The following PPFIA1 variants were observed in gnomAD, a reference collection of about 807,000 sequenced individuals.
PPFIA1 encodes the protein PPFI scaffold protein A1, also known as liprin-alpha-1.
Under a neutral mutation model 149.9 loss-of-function variants are expected in PPFIA1, and 25 were observed. That is an observed-to-expected ratio of 0.17 (90% confidence interval 0.12 to 0.23). The LOEUF (loss-of-function observed/expected upper bound fraction) is 0.23, where lower values mean the gene tolerates loss of function less well. PPFIA1 is among the 10% of genes least tolerant of loss of function. PPFIA1 has a pLI of 1.00. For synonymous variants in PPFIA1, 549 were observed against 552.8 expected, an observed-to-expected ratio of 0.99 and a Z score of 0.10; for missense variants, 1,362 against 1,506.5, an observed-to-expected ratio of 0.90 and a Z score of 1.59.
At chr11:70,372,717 A>T in intron 23 of PPFIA1, 143 bp downstream of exon 23, 1 of 630,754 alleles carries the variant, frequency 1.6e-6, no homozygotes, top group South Asian at 2.0e-5. Flanking sequence ...ATTGCAGAGG[A>T]GGGCTGGATG....
At chr11:70,322,825 C>T (rs983241145) in intron 2 of PPFIA1, among the ~76,000 whole-genome samples, 1 of 152,122 alleles carries the variant, frequency 6.6e-6, no homozygotes, top group African/African-American at 2.4e-5. Context: ...CTTGTGTCCC[C>T]TCCCCACCCC....
intron 21 of PPFIA1, 200 bp downstream of exon 21, chr11:70,362,688 T>C (rs1322126601): frequency 2.3e-6 from 1 of 441,734 alleles, no homozygotes; most frequent in African/African-American, 2.0e-5. Context: ...TAAATGCTTT[T>C]ATGAAAGATT....
chr11:70,320,628 G>T (rs937176471), intron 2 of PPFIA1, among the ~76,000 whole-genome samples: 2 of 151,578 alleles, frequency 1.3e-5, no homozygotes, highest in African/African-American at 4.9e-5. Flanking sequence ...GTAGAGATGG[G>T]GTCTCACTAT....
At chr11:70,380,991 G>A (rs2057691678) in intron 26 of PPFIA1, 1 of 151,912 alleles carries the variant, frequency 6.6e-6, no homozygotes, top group Admixed American at 6.6e-5. Flanking sequence ...TGTAGAGATG[G>A]GCTCTCACCA....
At chr11:70,328,977 TTGAAAC>T (rs1404427349) in intron 7 of PPFIA1, among the ~76,000 whole-genome samples, 3 of 152,242 alleles carry the variant, frequency 2.0e-5, no homozygotes, top group Non-Finnish European at 4.4e-5. Context: ...CCTTAAGTGT[TTGAAAC>T]TGTATAGTAA....
chr11:70,315,929 A>G (rs2053597292), intron 2 of PPFIA1, among the ~76,000 whole-genome samples: 1 of 151,864 alleles, frequency 6.6e-6, no homozygotes, highest in East Asian at 1.9e-4. Flanking sequence ...TTCTATCTCT[A>G]TGAGTTTGAC....
chr11:70,295,667 C>T (rs1326310501), intron 2 of PPFIA1, among the ~76,000 whole-genome samples: 8 of 136,648 alleles, frequency 5.9e-5, no homozygotes, highest in African/African-American at 1.4e-4. Context: ...CCGGACGGGG[C>T]GGCTGGCCGG....
At chr11:70,340,818 C>A (rs2137079471) in intron 14 of PPFIA1, among the ~76,000 whole-genome samples, 1 of 149,858 alleles carries the variant, frequency 6.7e-6, no homozygotes, top group East Asian at 1.9e-4. Flanking sequence ...ACAGGAGCAG[C>A]AGAGCAGGAT....
At chr11:70,337,276 G>GT in intron 11 of PPFIA1, 89 bp from the exon 12 acceptor site, 1 of 892,902 alleles carries the variant, frequency 1.1e-6, no homozygotes, top group Non-Finnish European at 1.7e-6. Flanking sequence ...CCTTTGTGTG[G>GT]TCCTTTTTTT....
At chr11:70,358,653 C>A (rs2056476820) in intron 19 of PPFIA1, 1 of 152,312 alleles carries the variant, frequency 6.6e-6, no homozygotes, top group Non-Finnish European at 1.5e-5. Context: ...TTCTTATTAA[C>A]CCCTGATTTA....
intron 10 of PPFIA1, 98 bp from the exon 11 acceptor site, chr11:70,335,465 A>C: frequency 7.1e-7 from 1 of 1,405,290 alleles, no homozygotes; most frequent in African/African-American, 1.4e-5. Flanking sequence ...GGGGGAGGGG[A>C]GGGCACACAT....
rs1193492701 is a variant in PPFIA1 at position 70,295,329 on chromosome 11, G to A, written c.264+22893G>A. 2.9e-5 allele frequency among the ~76,000 whole-genome samples: 4 copies of A among 139,814 alleles called. No homozygotes were observed. In the East Asian group the frequency reaches 8.9e-4, roughly 31 times the overall value. 91.7% of individuals were successfully genotyped at this position (139,814 alleles called of 152,430 possible). On this transcript the variant is annotated intron_variant, in intron 2 of 27. Coordinates refer to ENST00000253925, the MANE Select transcript of PPFIA1 (RefSeq NM_003626.5). ...GGATGGGGCGGCTGGCTGGGCGGGG[G>A]GCTGACCCCCCCCACCTCCCTCCCG...
intron 21 of PPFIA1, chr11:70,365,797 A>C: frequency 2.7e-6 from 1 of 375,938 alleles, no homozygotes; most frequent in Non-Finnish European, 5.2e-6. Flanking sequence ...TTGGTTTTGC[A>C]TGAGTTTTGC....
intron 25 of PPFIA1, 152 bp from the exon 26 acceptor site, chr11:70,377,878 G>A (rs577272864): frequency 1.6e-4 from 106 of 669,886 alleles, no homozygotes; most frequent in Non-Finnish European, 2.3e-4. Flanking sequence ...TCCAGGTTGG[G>A]CAATATATTG....
intron 2 of PPFIA1, among the ~76,000 whole-genome samples, chr11:70,293,559 T>G (rs674374): frequency 0.45 from 68,961 of 152,104 alleles, 17,754 homozygotes; most frequent in African/African-American, 0.7. Context: ...TGGCACGTGG[T>G]AGCTGCTGAT....
intron 19 of PPFIA1, among the ~76,000 whole-genome samples, chr11:70,360,818 A>G (rs1201617136): frequency 2.6e-5 from 4 of 152,262 alleles, no homozygotes; most frequent in African/African-American, 7.2e-5. Flanking sequence ...TGAAATTATT[A>G]TAGAAAAAAT....
chr11:70,331,839 A>G, intron 8 of PPFIA1, 121 bp from the exon 9 acceptor site: 4 of 1,100,198 alleles, frequency 3.6e-6, no homozygotes, highest in Non-Finnish European at 5.0e-6. Context: ...AACTCCCATC[A>G]CTGTAGCTCT....
intron 2 of PPFIA1, among the ~76,000 whole-genome samples, chr11:70,312,045 A>G (rs1232653175): frequency 6.6e-6 from 1 of 151,680 alleles, no homozygotes; most frequent in Non-Finnish European, 1.5e-5. Flanking sequence ...GGGTTTCACC[A>G]TGTTGCCCAG....
intron 2 of PPFIA1, among the ~76,000 whole-genome samples, chr11:70,285,463 C>T (rs181886244): frequency 1.4e-4 from 21 of 151,846 alleles, no homozygotes; most frequent in South Asian, 6.3e-4. Flanking sequence ...GGGCAGATCA[C>T]GAGGTCAGGA....
Sources: allele counts gnomAD v4.1 joint callset (sites outside exome capture counted in the v4.1 genomes callset), GRCh38; gene constraint gnomAD v4.1.1; transcripts MANE v1.5; gene names NCBI Gene and HGNC (gene_info 2026-07-23, HGNC 2026-07-21).